Variants in NDST4 observed in about 807,000 individuals in gnomAD.
NDST4 encodes the protein N-heparan sulfate sulfotransferase 4.
Under a neutral mutation model 100.8 loss-of-function variants are expected in NDST4, and 63 were observed. That is an observed-to-expected ratio of 0.62 (90% CI 0.51 to 0.77). NDST4 has a LOEUF of 0.77. Among genes scored for constraint, NDST4 ranks in the 30% least tolerant of loss-of-function variants. The pLI, the probability that NDST4 is intolerant of heterozygous loss-of-function variation, is 0.00. For missense variants in NDST4, 943 were observed against 1,018.4 expected (o/e 0.93, Z 1.01); for synonymous variants, 377 against 361.8 (o/e 1.04, Z -0.48).
intron 1 of NDST4, among the ~76,000 whole-genome samples, chr4:115,094,187 C>T (rs552263031): frequency 5.9e-5 from 9 of 151,876 alleles, no homozygotes; most frequent in African/African-American, 2.2e-4. Context: ...TACAAAGTTC[C>T]TATAAAATAT....
rs536843252 is a variant in NDST4, at chr4:114,896,439, T to C, written c.1537-25489A>G. Among the ~76,000 whole-genome samples the C allele has an allele frequency of 8.8e-4, 133 of 151,850 alleles. 2 individuals carry two copies. The highest frequency in any genetic ancestry group is 2.9e-3 in the African/African-American group (121 of 41,370). On this transcript the variant is annotated intron_variant, in intron 6 of 13. Transcript: ENST00000264363. The stretch of plus-strand genomic sequence containing the variant: ...GAGATTGAGACCATCCTGGCTAACA[T>C]GGTGAAACCCCGTCTCTACTAAAAA...
chr4:115,015,568 G>A (rs972818608), intron 2 of NDST4, among the ~76,000 whole-genome samples: 32 of 152,178 alleles, frequency 2.1e-4, no homozygotes, highest in African/African-American at 6.7e-4. Flanking sequence ...GAAGAAGTAC[G>A]TGCATAATTC....
intron 6 of NDST4, among the ~76,000 whole-genome samples, chr4:114,932,515 G>C (rs1725536590): frequency 6.6e-6 from 1 of 151,060 alleles, no homozygotes; most frequent in African/African-American, 2.4e-5. Flanking sequence ...GCAAGAGAAA[G>C]AAAAAAAAGA....
At chr4:114,887,030 G>C (rs1486585498) in intron 6 of NDST4, among the ~76,000 whole-genome samples, 1 of 152,084 alleles carries the variant, frequency 6.6e-6, no homozygotes, top group African/African-American at 2.4e-5. Context: ...GTACATAATG[G>C]CCACTAATCC....
intron 11 of NDST4, among the ~76,000 whole-genome samples, chr4:114,835,162 C>A (rs1723283143): frequency 1.3e-5 from 2 of 152,040 alleles, no homozygotes; most frequent in South Asian, 4.1e-4. Context: ...CTTCTGCTAG[C>A]TTTTGAATTT....
intron 6 of NDST4, among the ~76,000 whole-genome samples, chr4:114,900,017 T>A (rs921756111): frequency 6.6e-6 from 1 of 152,190 alleles, no homozygotes; most frequent in African/African-American, 2.4e-5. Flanking sequence ...TTAATAGATA[T>A]AATCCTAATA....
intron 2 of NDST4, among the ~76,000 whole-genome samples, chr4:114,979,346 C>A (rs192426478): frequency 1.3e-3 from 202 of 150,616 alleles, no homozygotes; most frequent in African/African-American, 4.8e-3. Flanking sequence ...AGTCTATGCA[C>A]CTGAAGCTCC....
At chr4:115,095,455 T>C (rs1191380606) in intron 1 of NDST4, among the ~76,000 whole-genome samples, 2 of 152,154 alleles carry the variant, frequency 1.3e-5, no homozygotes, top group African/African-American at 4.8e-5. Context: ...TGGTATATGT[T>C]TTCTCTCCCA....
At chr4:115,024,384 C>T (rs1445329319) in intron 2 of NDST4, among the ~76,000 whole-genome samples, 1 of 152,088 alleles carries the variant, frequency 6.6e-6, no homozygotes, top group African/African-American at 2.4e-5. Context: ...CTGCCTGAGG[C>T]CTTGGGGGAT....
intron 2 of NDST4, among the ~76,000 whole-genome samples, chr4:115,005,850 T>A (rs1727401901): frequency 6.6e-6 from 1 of 151,728 alleles, no homozygotes; most frequent in African/African-American, 2.4e-5. Context: ...CTGGCCAACA[T>A]GGTGAAACCT....
At chr4:115,012,662 C>T (rs1292055152) in intron 2 of NDST4, among the ~76,000 whole-genome samples, 1 of 151,896 alleles carries the variant, frequency 6.6e-6, no homozygotes, top group Non-Finnish European at 1.5e-5. Context: ...ATAGAACTAC[C>T]ATATGATCCA....
intron 1 of NDST4, among the ~76,000 whole-genome samples, chr4:115,082,864 G>T (rs1000787909): frequency 1.3e-5 from 2 of 152,190 alleles, no homozygotes; most frequent in Non-Finnish European, 2.9e-5. Flanking sequence ...CTGCAAATCA[G>T]CAAGTTTTAT....
chr4:114,966,409 G>T (rs1322620217), intron 4 of NDST4, among the ~76,000 whole-genome samples: 1 of 150,762 alleles, frequency 6.6e-6, no homozygotes, highest in Non-Finnish European at 1.5e-5. Context: ...CATATTACAA[G>T]AGAAAACAAA....
intron 6 of NDST4, among the ~76,000 whole-genome samples, chr4:114,923,640 T>C (rs895467706): frequency 6.6e-5 from 10 of 152,050 alleles, no homozygotes; most frequent in Non-Finnish European, 1.3e-4. Context: ...TTTTTTCTTA[T>C]TATGAATTCA....
rs367824246 is a variant in NDST4 at position 114,938,668 on chromosome 4, C to T, written c.1222-1165G>A. 1.4e-4 allele frequency among the ~76,000 whole-genome samples: 22 copies of T among 152,266 alleles called. No homozygotes were observed. In the South Asian group the frequency reaches 2.9e-3, roughly 20 times the overall value. On this transcript the variant is annotated intron_variant, in intron 4 of 13. Transcript: ENST00000264363. ...ACAGCATAGGAAAAGAATTCAGTCT[C>T]GTCTAATAAGCAAGTAGTGAATGGA...
At chr4:114,893,999 C>G (rs371263380) in intron 6 of NDST4, among the ~76,000 whole-genome samples, 1 of 152,108 alleles carries the variant, frequency 6.6e-6, no homozygotes. Context: ...ATAAGAGATC[C>G]TTTCCCCATT....
chr4:114,956,042 A>G (rs1403616032), intron 4 of NDST4: 1 of 152,156 alleles, frequency 6.6e-6, no homozygotes, highest in East Asian at 1.9e-4. Context: ...ATGCAGCCCC[A>G]CTCATAGAAA....
intron 4 of NDST4, among the ~76,000 whole-genome samples, chr4:114,942,395 T>C (rs1448408750): frequency 1.3e-5 from 2 of 152,126 alleles, no homozygotes; most frequent in African/African-American, 4.8e-5. Flanking sequence ...TTTTAAAAAA[T>C]ATATTATTAA....
chr4:114,857,318 C>T (rs755260619), intron 7 of NDST4, among the ~76,000 whole-genome samples: 1 of 152,134 alleles, frequency 6.6e-6, no homozygotes, highest in Non-Finnish European at 1.5e-5. Context: ...TAACTACCCA[C>T]CATGAACTGA....
Sources: gnomAD v4.1 joint callset for allele counts (sites outside exome capture counted in the v4.1 genomes callset) on GRCh38, gnomAD v4.1.1 for gene constraint, MANE v1.5 for transcripts, NCBI Gene and HGNC (gene_info 2026-07-23, HGNC 2026-07-21) for gene names.